SLC5A4: variants seen among roughly 807,000 people sequenced by gnomAD.
SLC5A4 encodes the protein probable glucose sensor protein SLC5A4.
In SLC5A4, 55 loss-of-function variants were observed where a neutral mutation model predicts 70.3. The observed-to-expected ratio is 0.78, with a 90% CI of 0.63 to 0.98. The LOEUF is 0.98. Ranked by LOEUF, SLC5A4 falls within the 50% of genes least tolerant of loss-of-function variation. SLC5A4 has a pLI of 0.00. For missense variants in SLC5A4, 735 were observed against 839.2 expected (o/e 0.88, Z 1.53); for synonymous variants, 268 against 305.7 (o/e 0.88, Z 1.29).
At chr22:32,293,542 A>G in the SLC5A4 span, among the ~76,000 whole-genome samples, 1 of 152,078 alleles carries the variant, frequency 6.6e-6, no homozygotes, top group African/African-American at 2.4e-5. Flanking sequence ...CAATCCAAGG[A>G]CCTAACAATA....
chr22:32,275,573 T>G, the SLC5A4 span, among the ~76,000 whole-genome samples: 4 of 152,250 alleles, frequency 2.6e-5, no homozygotes, highest in Non-Finnish European at 5.9e-5. Flanking sequence ...CTGCATGGTA[T>G]TCCATGGTGT....
the SLC5A4 span, among the ~76,000 whole-genome samples, chr22:32,281,712 A>T: frequency 6.6e-6 from 1 of 151,440 alleles, no homozygotes; most frequent in Non-Finnish European, 1.5e-5. Flanking sequence ...CTTGTCTTAA[A>T]CTCCTGGTCT....
chr22:32,347,906 CAA>C, the SLC5A4 span, among the ~76,000 whole-genome samples: 82 of 148,390 alleles, frequency 5.5e-4, 1 homozygote, highest in African/African-American at 1.9e-3. Context: ...AAATTACCCA[CAA>C]AAAAAAAATC....
chr22:32,230,834 T>C lies in SLC5A4; in HGVS notation c.1129+134A>G, dbSNP rs1050982338. The C allele has an allele frequency of 4.8e-6, 3 of 624,718 alleles. No homozygotes were observed. In the African/African-American group the frequency reaches 5.5e-5, roughly 11 times the overall value. The allele number at this position is 624,718 out of a possible 1,614,324, so 38.7% of individuals were successfully genotyped here. A position where few individuals can be genotyped will look rare whatever the true frequency, so the allele number is the denominator to read the frequency against. The stretch of plus-strand genomic sequence containing the variant: ...CAGGCCTAGCACAGAGCTGGTAACC[T>C]GTAGAAGGTGCTCAAGAAATGTCTG... On this transcript the variant is annotated intron_variant, in intron 10 of 14. Coordinates refer to ENST00000266086, the MANE Select transcript of SLC5A4 (RefSeq NM_014227.3).
At chr22:32,270,514 A>C in the SLC5A4 span, 1 of 721,864 alleles carries the variant, frequency 1.4e-6, no homozygotes, top group Non-Finnish European at 2.5e-6. Flanking sequence ...TGACCACCGC[A>C]GACAGTGATT....
chr22:32,313,575 G>T, the SLC5A4 span, among the ~76,000 whole-genome samples: 180 of 152,332 alleles, frequency 1.2e-3, 1 homozygote, highest in African/African-American at 4.1e-3. Context: ...TGTGGAAACA[G>T]GTCTGCTGGG....
intron 5 of SLC5A4, among the ~76,000 whole-genome samples, chr22:32,246,661 G>A (rs1440657739): frequency 6.6e-6 from 1 of 152,078 alleles, no homozygotes; most frequent in African/African-American, 2.4e-5. Context: ...CTGAGTAGCT[G>A]GGATTACTGG....
chr22:32,348,141 C>T, the SLC5A4 span, among the ~76,000 whole-genome samples: 1 of 152,196 alleles, frequency 6.6e-6, no homozygotes, highest in Non-Finnish European at 1.5e-5. Flanking sequence ...TTAGGGTGAG[C>T]TCCTGGAGGA....
At chr22:32,255,418 G>A, upstream of SLC5A4, 2 of 1,425,444 alleles carry the variant, frequency 1.4e-6, no homozygotes, top group Non-Finnish European at 2.0e-6. Context: ...GGTGGGGCGA[G>A]ATATCAGAGC....
rs758345767 is a variant in SLC5A4, at chr22:32,232,909, G to A, written c.1011C>T (p.Ile337=). ...GGATTCAGGGCTTACCTGTGTACAG[G>A]ATGCGGCTGATCATCCCCGGCATCA... The part of the protein sequence containing the change: ...LMVMPGMISR[I]LYTDMVACVV... Residue 337 remains isoleucine (I), a synonymous_variant, in exon 9 of 15, where the codon ATC becomes ATT. Coordinates refer to ENST00000266086, the MANE Select transcript of SLC5A4 (RefSeq NM_014227.3). The A allele has an allele frequency of 1.2e-6, 2 of 1,613,892 alleles. No individual in the cohort carries two copies. Among genetic ancestry groups the A allele is most frequent in the African/African-American group, 1.3e-5 (1 of 74,914 alleles).
rs575032551 is a variant in SLC5A4, at chr22:32,254,582, A to T, written c.136-369T>A. On this transcript the variant is annotated intron_variant, in intron 1 of 14. Transcript: ENST00000266086. ...CACTTTGGAGGGCCGAGGCGGGTGGATCACAAGGTCAAGAGATCGAGACCA... is the reference window on the plus strand; with the variant it reads ...CACTTTGGAGGGCCGAGGCGGGTGGTTCACAAGGTCAAGAGATCGAGACCA... Among the ~76,000 whole-genome samples, 34 of 152,258 alleles carry T rather than the reference A, an allele frequency of 2.2e-4. No individual in the cohort carries two copies. The East Asian group carries it at 6.6e-3, about 30-fold the overall frequency.
At chr22:32,352,259 G>A in the SLC5A4 span, among the ~76,000 whole-genome samples, 2 of 143,520 alleles carry the variant, frequency 1.4e-5, no homozygotes, top group Admixed American at 1.4e-4. Context: ...CACATACCAG[G>A]GCCTGTTGTG....
chr22:32,221,531 C>T (rs1218575821), intron 13 of SLC5A4, among the ~76,000 whole-genome samples: 8 of 152,284 alleles, frequency 5.3e-5, no homozygotes, highest in African/African-American at 1.7e-4. Context: ...AAACCATCTC[C>T]AAACTTCTGT....
the SLC5A4 span, among the ~76,000 whole-genome samples, chr22:32,314,466 C>G: frequency 6.6e-6 from 1 of 152,188 alleles, no homozygotes; most frequent in East Asian, 1.9e-4. Flanking sequence ...AATGAACCAT[C>G]TTTCAAATAT....
chr22:32,337,261 G>A, the SLC5A4 span, among the ~76,000 whole-genome samples: 7 of 152,318 alleles, frequency 4.6e-5, no homozygotes, highest in South Asian at 1.5e-3. Context: ...GTGCACATAA[G>A]AAACACATTG....
At chr22:32,294,523 T>G in the SLC5A4 span, among the ~76,000 whole-genome samples, 3 of 152,030 alleles carry the variant, frequency 2.0e-5, no homozygotes, top group Admixed American at 6.6e-5. Flanking sequence ...CAAGGATCCC[T>G]CCTGTGGCTC....
chr22:32,352,539 G>T, the SLC5A4 span, among the ~76,000 whole-genome samples: 2 of 151,960 alleles, frequency 1.3e-5, no homozygotes, highest in Non-Finnish European at 2.9e-5. Context: ...GCAGGAGGAG[G>T]GCGCCCTCCA....
intron 14 of SLC5A4, among the ~76,000 whole-genome samples, chr22:32,219,630 C>CAAAAAAAAAAAAAAAAAA: frequency 1.0e-4 from 3 of 28,860 alleles, no homozygotes; most frequent in Non-Finnish European, 1.6e-4. Flanking sequence ...TCCAACTTAG[C>CAAAAAAAAAAAAAAAAAA]AAAAAAAAAA....
the SLC5A4 span, among the ~76,000 whole-genome samples, chr22:32,268,004 G>A: frequency 4.6e-5 from 7 of 152,056 alleles, no homozygotes; most frequent in Non-Finnish European, 1.0e-4. Context: ...GGCGCCTGTA[G>A]TCCCAGGTAC....
Sources: gnomAD v4.1 joint callset for allele counts (sites outside exome capture counted in the v4.1 genomes callset) on GRCh38, gnomAD v4.1.1 for gene constraint, MANE v1.5 for transcripts, NCBI Gene and HGNC (gene_info 2026-07-23, HGNC 2026-07-21) for gene names.